The following ZNF438 variants were observed in gnomAD, a reference collection of about 807,000 sequenced individuals.
The protein encoded by ZNF438 is zinc finger protein 438.
In ZNF438, 25 loss-of-function variants were observed where a neutral mutation model predicts 38.0. The ratio of observed to expected loss-of-function variants is 0.66; its 90% CI spans 0.48 to 0.92. The LOEUF is 0.92. ZNF438 is among the 40% of genes least tolerant of loss of function. ZNF438 has a pLI of 0.00. For synonymous variants in ZNF438, 372 were observed against 364.1 expected (o/e 1.02, Z -0.25); for missense variants, 1,007 against 999.6 (o/e 1.01, Z -0.10).
chr10:30,972,585 G>A (rs745524044), intron 1 of ZNF438, among the ~76,000 whole-genome samples: 2 of 152,100 alleles, frequency 1.3e-5, no homozygotes, highest in African/African-American at 2.4e-5. Flanking sequence ...TGTGGCTCAG[G>A]CATGGAGGTA....
intron 3 of ZNF438, among the ~76,000 whole-genome samples, chr10:30,896,295 CAAAAAAA>C (rs56673889): frequency 1.9e-5 from 2 of 107,054 alleles, no homozygotes; most frequent in Non-Finnish European, 1.9e-5. Flanking sequence ...GACTCCATCT[CAAAAAAA>C]AAAAAAAAAA....
chr10:30,943,466 A>G (rs1374815442), intron 1 of ZNF438, among the ~76,000 whole-genome samples: 2 of 152,216 alleles, frequency 1.3e-5, no homozygotes, highest in East Asian at 3.8e-4. Flanking sequence ...AAAAATTGCC[A>G]GAGAAGAAGA....
chr10:31,030,760 T>C (rs759703660), intron 1 of ZNF438, among the ~76,000 whole-genome samples: 7 of 152,232 alleles, frequency 4.6e-5, no homozygotes, highest in Non-Finnish European at 1.0e-4. Context: ...TATTCTTCCC[T>C]TCAAAGTTCC....
rs2046832333 is a variant in ZNF438, at chr10:30,941,670, G to A, written c.-191-19C>T. 6.6e-6 allele frequency: 1 copy of A among 152,120 alleles called. No individual in the cohort carries two copies. Among genetic ancestry groups the A allele is most frequent in the African/African-American group, 2.4e-5 (1 of 41,428 alleles). 9.4% of individuals were successfully genotyped at this position (152,120 alleles called of 1,614,324 possible). ...TTTTTATCTGAAAACAAATGTAGTG[G>A]AAATAACAAAATTATAAAGAATTTC... is the stretch of plus-strand genomic sequence containing the variant. On this transcript the variant is annotated intron_variant, in intron 1 of 5. Coordinates refer to ENST00000413025, the Ensembl canonical transcript of ZNF438.
At chr10:30,942,673 C>T (rs1476454374) in intron 1 of ZNF438, among the ~76,000 whole-genome samples, 7 of 151,152 alleles carry the variant, frequency 4.6e-5, no homozygotes, top group Non-Finnish European at 7.4e-5. Flanking sequence ...TCAATCAATC[C>T]GATGACTTGC....
chr10:30,973,636 G>A (rs75925490), intron 1 of ZNF438, among the ~76,000 whole-genome samples: 1,763 of 152,268 alleles, frequency 0.012, 31 homozygotes, highest in African/African-American at 0.039. Context: ...GGAAGCTCTT[G>A]ATAGAGAGGG....
intron 1 of ZNF438, among the ~76,000 whole-genome samples, chr10:31,015,793 G>A (rs536325492): frequency 2.6e-5 from 4 of 152,336 alleles, no homozygotes; most frequent in Admixed American, 6.5e-5. Flanking sequence ...AGATCATGGC[G>A]CTGGCATTGT....
At chr10:30,878,354 A>G (rs1588958139) in intron 3 of ZNF438, among the ~76,000 whole-genome samples, 2 of 152,306 alleles carry the variant, frequency 1.3e-5, no homozygotes, top group East Asian at 3.9e-4. Context: ...TCAGAGGGAC[A>G]GCTGGACTTC....
chr10:30,852,409 T>G (rs560648377), intron 4 of ZNF438, among the ~76,000 whole-genome samples: 1 of 152,148 alleles, frequency 6.6e-6, no homozygotes, highest in South Asian at 2.1e-4. Context: ...GGTTTCTCCA[T>G]GTTGGTCAGG....
At chr10:30,994,706 T>C (rs1486407954) in intron 1 of ZNF438, among the ~76,000 whole-genome samples, 1 of 152,046 alleles carries the variant, frequency 6.6e-6, no homozygotes, top group Admixed American at 6.6e-5. Flanking sequence ...CAGATGCCAT[T>C]AGGAGAAAAA....
chr10:31,017,883 A>C (rs930112046), intron 1 of ZNF438, among the ~76,000 whole-genome samples: 2 of 152,234 alleles, frequency 1.3e-5, no homozygotes, highest in African/African-American at 4.8e-5. Flanking sequence ...TTTGCCTGTC[A>C]CAAGAATGGC....
chr10:31,023,968 T>C (rs934997951), intron 1 of ZNF438, among the ~76,000 whole-genome samples: 4 of 152,256 alleles, frequency 2.6e-5, no homozygotes, highest in African/African-American at 9.6e-5. Context: ...GGTTCTCCCC[T>C]ACCCAGCAAG....
At chr10:30,859,531 CTG>C (rs1347536714) in intron 4 of ZNF438, among the ~76,000 whole-genome samples, 8 of 152,182 alleles carry the variant, frequency 5.3e-5, no homozygotes, top group African/African-American at 1.7e-4. Flanking sequence ...AGTAGAAAGA[CTG>C]TGTGTTTTGG....
At chr10:30,928,167 A>G (rs2135180006) in intron 2 of ZNF438, among the ~76,000 whole-genome samples, 1 of 152,356 alleles carries the variant, frequency 6.6e-6, no homozygotes, top group African/African-American at 2.4e-5. Flanking sequence ...TACTTTTATA[A>G]TATTTACACA....
chr10:30,912,377 A>G (rs1475465493), intron 2 of ZNF438, among the ~76,000 whole-genome samples: 1 of 152,130 alleles, frequency 6.6e-6, no homozygotes. Flanking sequence ...TATATCAACC[A>G]GAAGTCCCTC....
chr10:30,847,428 G>T (rs1489568583), intron 5 of ZNF438, among the ~76,000 whole-genome samples: 1 of 152,184 alleles, frequency 6.6e-6, no homozygotes, highest in Non-Finnish European at 1.5e-5. Flanking sequence ...GCCCCCTGCA[G>T]TTCAACTCTG....
chr10:30,856,858 TAAC>T (rs2034722667), intron 4 of ZNF438, among the ~76,000 whole-genome samples: 1 of 152,214 alleles, frequency 6.6e-6, no homozygotes, highest in East Asian at 1.9e-4. Context: ...CATACTAAAA[TAAC>T]AATTTTGAAA....
chr10:30,901,810 G>A (rs1315052558), intron 3 of ZNF438, among the ~76,000 whole-genome samples: 3 of 152,188 alleles, frequency 2.0e-5, no homozygotes, highest in Admixed American at 1.3e-4. Flanking sequence ...AGTTCTTAAA[G>A]GCGGTGTGTC....
intron 1 of ZNF438, among the ~76,000 whole-genome samples, chr10:30,977,280 C>T (rs1403054082): frequency 6.6e-6 from 1 of 152,156 alleles, no homozygotes; most frequent in Non-Finnish European, 1.5e-5. Flanking sequence ...AAATGCTTTC[C>T]ATTTTATATT....
Sources: allele counts gnomAD v4.1 joint callset (sites outside exome capture counted in the v4.1 genomes callset), GRCh38; gene constraint gnomAD v4.1.1; transcripts MANE v1.5; gene names NCBI Gene and HGNC (gene_info 2026-07-23, HGNC 2026-07-21).